Variants in GRID1 observed in about 807,000 individuals in gnomAD.
The protein encoded by GRID1 is glutamate receptor ionotropic, delta-1.
In GRID1, 28 loss-of-function variants were observed where a neutral mutation model predicts 98.0. The observed-to-expected ratio is 0.29, with a 90% CI of 0.21 to 0.39. The LOEUF (loss-of-function observed/expected upper bound fraction) is 0.39. GRID1 is among the 10% of genes least tolerant of loss of function. The probability of loss-of-function intolerance (pLI) is 1.00; values close to 1 mark genes in which losing one functional copy is unlikely to be tolerated. For missense variants in GRID1, 1,111 were observed against 1,340.5 expected (o/e 0.83, Z 2.67); for synonymous variants, 553 against 538.5 (o/e 1.03, Z -0.37).
chr10:85,879,175 G>T (rs1840960620), intron 5 of GRID1, among the ~76,000 whole-genome samples: 2 of 152,232 alleles, frequency 1.3e-5, no homozygotes, highest in South Asian at 2.1e-4. Flanking sequence ...AATAATGGGA[G>T]ACTTTAACAC....
In GRID1 at chr10:86,138,918, G is replaced by A. The variant is rs2131972098; in HGVS notation, c.627C>T (p.Phe209=). The change falls in exon 4 of 16, where the codon TTC becomes TTT. Residue 209 remains phenylalanine, a synonymous_variant. Transcript: ENST00000327946. ...TCAGCTCCTCTGTCTTCATCGTGGT[G>A]AAGAGGCTGGTGAATACGTGGCTAA... ...KNISHVFTSL[F]TTMKTEELNR... 1 of 1,614,070 alleles carries A rather than the reference G, an allele frequency of 6.2e-7. No homozygotes were observed. Among genetic ancestry groups the A allele is most frequent in the East Asian group, 2.2e-5 (1 of 44,886 alleles).
chr10:86,006,781 G>A (rs1385548074), intron 4 of GRID1, among the ~76,000 whole-genome samples: 1 of 150,054 alleles, frequency 6.7e-6, no homozygotes, highest in African/African-American at 2.5e-5. Context: ...CTTTAATGGG[G>A]CCCTTCCTCC....
chr10:85,861,654 G>A (rs941294830), intron 6 of GRID1, among the ~76,000 whole-genome samples: 6 of 152,190 alleles, frequency 3.9e-5, no homozygotes, highest in African/African-American at 9.6e-5. Flanking sequence ...GCTCAGCCAC[G>A]GGAGCCTTTG....
chr10:85,695,722 C>T (rs1360476667), intron 12 of GRID1, among the ~76,000 whole-genome samples: 2 of 152,050 alleles, frequency 1.3e-5, no homozygotes, highest in Non-Finnish European at 2.9e-5. Flanking sequence ...TGGACATAAA[C>T]AATTGTCCTC....
chr10:86,024,668 T>G (rs958279871), intron 4 of GRID1, among the ~76,000 whole-genome samples: 6 of 152,298 alleles, frequency 3.9e-5, no homozygotes, highest in African/African-American at 1.4e-4. Context: ...TCTGGCTGGC[T>G]GCAACCCAGA....
chr10:85,650,523 C>A (rs552072702), intron 12 of GRID1, among the ~76,000 whole-genome samples: 2 of 152,286 alleles, frequency 1.3e-5, no homozygotes, highest in South Asian at 4.1e-4. Flanking sequence ...ACAGTGCACA[C>A]CAAGCAAGGA....
intron 4 of GRID1, among the ~76,000 whole-genome samples, chr10:86,009,592 TAA>T (rs1842902492): frequency 6.6e-6 from 1 of 152,092 alleles, no homozygotes; most frequent in Admixed American, 6.5e-5. Context: ...ATAGAAGAGG[TAA>T]AGTCATTGCC....
intron 4 of GRID1, among the ~76,000 whole-genome samples, chr10:86,016,614 A>G (rs2131884377): frequency 6.6e-6 from 1 of 152,292 alleles, no homozygotes; most frequent in East Asian, 1.9e-4. Context: ...CTCCATAAAT[A>G]TTAGTGGAAT....
At chr10:85,779,511 C>T (rs767549995) in intron 8 of GRID1, among the ~76,000 whole-genome samples, 2 of 151,938 alleles carry the variant, frequency 1.3e-5, no homozygotes, top group Non-Finnish European at 2.9e-5. Flanking sequence ...GGACAGACAC[C>T]CAGGTAACGA....
chr10:86,281,722 G>A (rs1052055178), intron 2 of GRID1, among the ~76,000 whole-genome samples: 1 of 152,100 alleles, frequency 6.6e-6, no homozygotes, highest in Non-Finnish European at 1.5e-5. Context: ...GGATCAGCTG[G>A]GGAGGTTTTT....
chr10:85,917,604 A>C (rs7083983), intron 4 of GRID1, among the ~76,000 whole-genome samples: 7,785 of 152,260 alleles, frequency 0.051, 607 homozygotes, highest in African/African-American at 0.18. Flanking sequence ...GATCTGACTC[A>C]CTCCCAACAA....
chr10:86,328,514 G>T (rs997175933), intron 2 of GRID1, among the ~76,000 whole-genome samples: 3 of 152,234 alleles, frequency 2.0e-5, no homozygotes, highest in Non-Finnish European at 4.4e-5. Flanking sequence ...GCATGGCTGG[G>T]TTCCTGGCAG....
chr10:86,209,199 C>T lies in GRID1; in HGVS notation c.236-2551G>A, dbSNP rs138629875. Among the ~76,000 whole-genome samples the T allele has an allele frequency of 6.0e-4, 92 of 152,280 alleles. 1 individual carries two copies. In the East Asian group the frequency reaches 0.015, roughly 25 times the overall value. On this transcript the variant is annotated intron_variant, in intron 2 of 15. Transcript: ENST00000327946. ...TTAGAAGAAACCTGAAAGTGGTTTTCATTCTTTTCTATATTAGCCAAAATT... is the reference window on the plus strand; with the variant it reads ...TTAGAAGAAACCTGAAAGTGGTTTTTATTCTTTTCTATATTAGCCAAAATT...
intron 4 of GRID1, among the ~76,000 whole-genome samples, chr10:85,924,326 C>T (rs1841746406): frequency 6.6e-6 from 1 of 152,178 alleles, no homozygotes; most frequent in Non-Finnish European, 1.5e-5. Context: ...TAACATTGTG[C>T]CATGCAAAGT....
intron 8 of GRID1, among the ~76,000 whole-genome samples, chr10:85,845,786 C>T (rs563043718): frequency 3.3e-5 from 5 of 152,178 alleles, no homozygotes; most frequent in Non-Finnish European, 2.9e-5. Flanking sequence ...TTGTAAAACC[C>T]AATAATGAAT....
chr10:86,307,337 A>C, intron 2 of GRID1, among the ~76,000 whole-genome samples: 1 of 152,254 alleles, frequency 6.6e-6, no homozygotes, highest in Non-Finnish European at 1.5e-5. Context: ...AATGTGGTAT[A>C]CATACACAAT....
chr10:86,311,811 T>C (rs1847836367), intron 2 of GRID1, among the ~76,000 whole-genome samples: 1 of 152,228 alleles, frequency 6.6e-6, no homozygotes, highest in Non-Finnish European at 1.5e-5. Flanking sequence ...CAGTGAGCTA[T>C]GTGACTGAAC....
chr10:85,715,718 A>C (rs1590201974), intron 12 of GRID1, among the ~76,000 whole-genome samples: 1 of 152,170 alleles, frequency 6.6e-6, no homozygotes, highest in East Asian at 1.9e-4. Context: ...ATAACAAGTG[A>C]TGATGAGAAT....
At chr10:85,970,312 A>C (rs1488275353) in intron 4 of GRID1, among the ~76,000 whole-genome samples, 1 of 152,108 alleles carries the variant, frequency 6.6e-6, no homozygotes, top group Non-Finnish European at 1.5e-5. Flanking sequence ...TTCCAAACTC[A>C]TTCTAAGAGG....
Sources: allele counts gnomAD v4.1 joint callset (sites outside exome capture counted in the v4.1 genomes callset), GRCh38; gene constraint gnomAD v4.1.1; transcripts MANE v1.5; gene names NCBI Gene and HGNC (gene_info 2026-07-23, HGNC 2026-07-21).